The following CUBN variants were observed in gnomAD, a reference collection of about 807,000 sequenced individuals.
CUBN encodes 460 kDa receptor.
Under a neutral mutation model 405.3 loss-of-function variants are expected in CUBN, and 282 were observed. The ratio of observed to expected loss-of-function variants is 0.70; its 90% CI spans 0.63 to 0.77. The LOEUF (loss-of-function observed/expected upper bound fraction) is 0.77. CUBN is among the 30% of genes least tolerant of loss of function. The pLI, the probability that CUBN is intolerant of heterozygous loss-of-function variation, is 0.00. For missense variants in CUBN, 4,514 were observed against 4,475.2 expected, an observed-to-expected ratio of 1.01 and a Z score of -0.25; for synonymous variants, 1,684 against 1,617.0, an observed-to-expected ratio of 1.04 and a Z score of -0.99.
intron 50 of CUBN, among the ~76,000 whole-genome samples, chr10:16,905,608 C>T (rs1463645780): frequency 7.9e-5 from 12 of 152,132 alleles, no homozygotes; most frequent in African/African-American, 1.2e-4. Flanking sequence ...AGTGGACTCT[C>T]GCTTCGGCAA....
chr10:17,054,772 A>G (rs2131830660), intron 22 of CUBN, among the ~76,000 whole-genome samples: 1 of 152,200 alleles, frequency 6.6e-6, no homozygotes, highest in East Asian at 1.9e-4. Flanking sequence ...TGAAATAGAA[A>G]GCTTTAATAG....
At chr10:17,100,300 T>A in intron 13 of CUBN, 61 bp from the exon 14 acceptor site, 2 of 1,142,456 alleles carry the variant, frequency 1.8e-6, no homozygotes, top group Non-Finnish European at 2.6e-6. Flanking sequence ...AAAGTATTTC[T>A]CCCACTTCCT....
At chr10:16,898,529 C>T (rs1363971350) in intron 54 of CUBN, among the ~76,000 whole-genome samples, 2 of 152,128 alleles carry the variant, frequency 1.3e-5, no homozygotes, top group African/African-American at 4.8e-5. Flanking sequence ...ATTTCTAAGA[C>T]AGTCATCATA....
In CUBN at chr10:17,108,060, G is replaced by A. The variant is rs532804140; in HGVS notation, c.1111+1580C>T. ...GAAGGGCAGCCTAAAAGTACACAAAGTGTTATTAATACTTCATGTCATCAA... is the reference window on the plus strand; with the variant it reads ...GAAGGGCAGCCTAAAAGTACACAAAATGTTATTAATACTTCATGTCATCAA... On this transcript the variant is annotated intron_variant, in intron 10 of 66. Transcript: ENST00000377833. Among the ~76,000 whole-genome samples, 15 of 152,230 alleles carry A rather than the reference G, an allele frequency of 9.9e-5. 1 individual carries two copies. The highest frequency in any genetic ancestry group is 3.4e-3 in the Middle Eastern group (1 of 294).
chr10:16,946,307 T>C (rs9971169), intron 36 of CUBN, among the ~76,000 whole-genome samples: 1 of 152,252 alleles, frequency 6.6e-6, no homozygotes, highest in East Asian at 1.9e-4. Flanking sequence ...CATATTATTG[T>C]TGCTGTCTAA....
intron 14 of CUBN, among the ~76,000 whole-genome samples, chr10:17,097,022 G>C (rs886963499): frequency 6.6e-6 from 1 of 151,998 alleles, no homozygotes; most frequent in Non-Finnish European, 1.5e-5. Context: ...ATGCTTCCAA[G>C]TCAAGAAGCT....
In CUBN at chr10:16,942,839, GGGGGAA is replaced by G. The variant is rs200774792; in HGVS notation, c.5343-2608_5343-2603del. ...GGAAGGGAAGGGAAAAGGAAGGGAA[GGGGGAA>G]GGGGAAGGGGAAGGGAAAGGAAGGG... On this transcript the variant is annotated intron_variant, in intron 36 of 66. Coordinates refer to ENST00000377833, the MANE Select transcript of CUBN (RefSeq NM_001081.4). Among the ~76,000 whole-genome samples, 381 of 137,876 alleles carry G rather than the reference GGGGGAA, an allele frequency of 2.8e-3. 1 individual carries two copies. Among genetic ancestry groups the G allele is most frequent in the Admixed American group, 5.6e-3 (78 of 13,912 alleles). The allele number at this position is 137,876 out of a possible 152,430, so 90.5% of individuals were successfully genotyped here. A position where few individuals can be genotyped will look rare whatever the true frequency, so the allele number is the denominator to read the frequency against.
At chr10:16,889,938 A>AAAAAAAAAAAAAAAAAAAAAAAAAC (rs1554788545) in intron 55 of CUBN, among the ~76,000 whole-genome samples, 2 of 129,440 alleles carry the variant, frequency 1.5e-5, no homozygotes, top group African/African-American at 6.2e-5. Flanking sequence ...GCCGTGTCAA[A>AAAAAAAAAAAAAAAAAAAAAAAAAC]AAAAAAAAAA....
intron 13 of CUBN, among the ~76,000 whole-genome samples, chr10:17,102,737 G>T (rs557047612): frequency 7.3e-5 from 11 of 151,048 alleles, no homozygotes; most frequent in African/African-American, 2.4e-4. Flanking sequence ...CTCCCGAGTA[G>T]CTGGGATTAC....
chr10:16,842,061 T>C (rs922378002), intron 60 of CUBN, among the ~76,000 whole-genome samples: 7 of 151,574 alleles, frequency 4.6e-5, no homozygotes, highest in Admixed American at 4.6e-4. Context: ...TTTTTTTTTT[T>C]TGAAATAAGG....
rs201543114 is a variant in CUBN, at chr10:16,937,711, G to T, written c.5807C>A (p.Ser1936Tyr). ...ATGAAATGTCAAAGAATTTCCAGTG[G>T]AGCTGAAAGATTCAGTCTGGGTACC... ...YCGTQTESFSSTGNSLTFHFY... is the reference protein window; with the variant it reads ...YCGTQTESFSYTGNSLTFHFY... Residue 1936 changes from serine (S) to tyrosine (Y), a missense_variant, in exon 39 of 67, where the codon TCC becomes TAC. Physicochemically the swap from Ser to Tyr is moderately radical, Grantham distance 144. Around this residue, in one of 5 missense-constraint regions of CUBN, gnomAD observed 1,613 missense variants for 1,542.8 expected, o/e 1.05. Coordinates refer to ENST00000377833, the MANE Select transcript of CUBN (RefSeq NM_001081.4). 47 of 1,614,078 alleles carry T rather than the reference G, an allele frequency of 2.9e-5. No individual in the cohort carries two copies. The East Asian group carries it at 1.0e-3, about 36-fold the overall frequency.
chr10:17,063,570 C>T (rs561930230), intron 22 of CUBN, among the ~76,000 whole-genome samples: 9 of 152,194 alleles, frequency 5.9e-5, no homozygotes, highest in East Asian at 3.9e-4. Context: ...TTTTATTTTA[C>T]GTGTATCTTA....
chr10:17,091,761 C>T (rs1054415472), intron 14 of CUBN, among the ~76,000 whole-genome samples: 1 of 152,094 alleles, frequency 6.6e-6, no homozygotes, highest in Non-Finnish European at 1.5e-5. Flanking sequence ...ACATAAAACC[C>T]CCTGGATTTA....
At chr10:16,901,538 T>C (rs1411254334) in intron 51 of CUBN, 79 bp from the exon 52 acceptor site, 3 of 1,556,138 alleles carry the variant, frequency 1.9e-6, no homozygotes, top group East Asian at 2.3e-5. Flanking sequence ...GTAGTAATCA[T>C]AACCATCAGA....
intron 21 of CUBN, among the ~76,000 whole-genome samples, chr10:17,066,021 T>A (rs1374968292): frequency 3.3e-5 from 5 of 152,194 alleles, no homozygotes; most frequent in African/African-American, 1.2e-4. Flanking sequence ...AACTCATAGA[T>A]CACTCAATCC....
At chr10:17,039,180 C>T (rs899274130) in intron 27 of CUBN, among the ~76,000 whole-genome samples, 3 of 152,110 alleles carry the variant, frequency 2.0e-5, no homozygotes, top group Admixed American at 6.5e-5. Context: ...GATTATGGTG[C>T]CCAGCACACT....
intron 48 of CUBN, among the ~76,000 whole-genome samples, chr10:16,910,813 C>T (rs577514084): frequency 7.6e-4 from 115 of 151,518 alleles, no homozygotes; most frequent in African/African-American, 2.6e-3. Context: ...ATATACTTTT[C>T]AAAGATTTAT....
At chr10:17,023,018 G>A (rs1248800607) in intron 27 of CUBN, among the ~76,000 whole-genome samples, 1 of 152,166 alleles carries the variant, frequency 6.6e-6, no homozygotes, top group East Asian at 1.9e-4. Context: ...CCTGCACAAG[G>A]TCATGAACAG....
At chr10:16,986,071 A>G (rs1226947255) in intron 29 of CUBN, among the ~76,000 whole-genome samples, 1 of 152,232 alleles carries the variant, frequency 6.6e-6, no homozygotes, top group Non-Finnish European at 1.5e-5. Flanking sequence ...ATCAAATAGA[A>G]GATGCTGACT....
Sources: allele counts gnomAD v4.1 joint callset (sites outside exome capture counted in the v4.1 genomes callset), GRCh38; gene constraint gnomAD v4.1.1; regional missense constraint gnomAD v4.1.1; transcripts MANE v1.5; gene names NCBI Gene and HGNC (gene_info 2026-07-23, HGNC 2026-07-21).